RRM2: variants seen among roughly 807,000 people sequenced by gnomAD.
RRM2 encodes the protein ribonucleotide reductase regulatory subunit M2, also known as ribonucleoside-diphosphate reductase subunit M2.
A neutral mutation model predicts 45.9 loss-of-function variants in RRM2; 6 were observed. The observed-to-expected ratio is 0.13, with a 90% CI of 0.07 to 0.26. The LOEUF (loss-of-function observed/expected upper bound fraction) is 0.26, where lower values mean the gene tolerates loss of function less well. Among genes scored for constraint, RRM2 ranks in the 10% least tolerant of loss-of-function variants. The pLI, the probability that RRM2 is intolerant of heterozygous loss-of-function variation, is 1.00. For synonymous variants in RRM2, 177 were observed against 173.0 expected (o/e 1.02, Z -0.18); for missense variants, 343 against 489.5 (o/e 0.70, Z 2.82).
At chr2:10,139,030 C>T (rs1471708048), upstream of RRM2, among the ~76,000 whole-genome samples, 1 of 152,124 alleles carries the variant, frequency 6.6e-6, no homozygotes, top group African/African-American at 2.4e-5. Context: ...ATTGCTTGAG[C>T]CCGGGAGGTG....
chr2:10,128,741 C>G, intron 7 of RRM2, 107 bp from the exon 8 acceptor site: 1 of 788,764 alleles, frequency 1.3e-6, no homozygotes, highest in South Asian at 1.6e-5. Context: ...CTCAGTATGG[C>G]TGAGCATGTT....
At chr2:10,159,007 A>T (rs932324188) in intron 3 of RRM2, among the ~76,000 whole-genome samples, 1 of 152,090 alleles carries the variant, frequency 6.6e-6, no homozygotes, top group African/African-American at 2.4e-5. Flanking sequence ...GGTCCTTTGG[A>T]CGTCTTCTTC....
chr2:10,138,619 A>G (rs995663937), upstream of RRM2, among the ~76,000 whole-genome samples: 4 of 152,070 alleles, frequency 2.6e-5, no homozygotes, highest in African/African-American at 9.7e-5. Context: ...CCCTTTTGAA[A>G]AACTGACTGC....
intron 3 of RRM2, among the ~76,000 whole-genome samples, chr2:10,151,295 ATT>A (rs1197139714): frequency 0.056 from 6,298 of 111,856 alleles, 277 homozygotes; most frequent in African/African-American, 0.19. Flanking sequence ...CTGCATGTAG[ATT>A]TTTTTTTTTT....
At chr2:10,141,215 G>A (rs1336527898), upstream of RRM2, among the ~76,000 whole-genome samples, 1 of 152,122 alleles carries the variant, frequency 6.6e-6, no homozygotes, top group African/African-American at 2.4e-5. Context: ...CTGGCTTGGA[G>A]CCCGATGGAC....
chr2:10,206,258 A>AAC (rs1664663740), intron 3 of RRM2, among the ~76,000 whole-genome samples: 1 of 151,938 alleles, frequency 6.6e-6, no homozygotes, highest in Non-Finnish European at 1.5e-5. Flanking sequence ...AAAAAAAAAA[A>AAC]AAAAGTTAAA....
upstream of RRM2, among the ~76,000 whole-genome samples, chr2:10,137,814 G>C (rs1235418252): frequency 6.6e-6 from 1 of 152,182 alleles, no homozygotes; most frequent in African/African-American, 2.4e-5. Context: ...GGGGGGTCTA[G>C]CCTCTCCTCC....
chr2:10,200,343 C>T (rs1389372834), intron 3 of RRM2, among the ~76,000 whole-genome samples: 1 of 152,156 alleles, frequency 6.6e-6, no homozygotes, highest in African/African-American at 2.4e-5. Flanking sequence ...GGGTTCCTGG[C>T]CTGTGAGAAA....
In RRM2 at chr2:10,201,377, C is replaced by A. The variant is rs116008101; in HGVS notation, n.483-8934C>A. Among the ~76,000 whole-genome samples the A allele has an allele frequency of 9.5e-3, 1,449 of 152,256 alleles. 29 individuals are homozygous for A. Among genetic ancestry groups the A allele is most frequent in the African/African-American group, 0.034 (1,392 of 41,544 alleles). On this transcript the variant is annotated intron_variant and non_coding_transcript_variant, in intron 3 of 3. Coordinates refer to the RRM2 transcript ENST00000381786. ...AGCCTCTTTGACTCTGAAAAGCAAA[C>A]AAAGGACCAACAATATTCCGAGCAA...
At position 10,124,886 on chromosome 2, in the gene RRM2, C is replaced by T. The variant is rs758964711; in HGVS notation, c.569+36C>T. ...AAGTGGTATGCCAAGATTTTTAGGA[C>T]TCACTAATTGTTGATTTATTACACA... On this transcript the variant is annotated intron_variant, in intron 5 of 9. Transcript: ENST00000304567. 5 of 1,567,502 alleles carry T rather than the reference C, an allele frequency of 3.2e-6. No individual in the cohort carries two copies. The South Asian group carries it at 4.6e-5, about 14-fold the overall frequency.
At chr2:10,128,150 C>T (rs1015653639) in intron 7 of RRM2, among the ~76,000 whole-genome samples, 1 of 151,946 alleles carries the variant, frequency 6.6e-6, no homozygotes, top group Non-Finnish European at 1.5e-5. Flanking sequence ...GGGTGACAGT[C>T]CCCCCGAAAA....
chr2:10,200,535 T>A (rs7558705), intron 3 of RRM2, among the ~76,000 whole-genome samples: 324 of 14,546 alleles, frequency 0.022, 86 homozygotes, highest in African/African-American at 0.092. Context: ...CGCGCACAAA[T>A]TATGAGTCCC....
At chr2:10,178,959 C>A (rs572170067) in intron 3 of RRM2, among the ~76,000 whole-genome samples, 111 of 152,264 alleles carry the variant, frequency 7.3e-4, no homozygotes, top group African/African-American at 2.6e-3. Context: ...TCTGCTGGCA[C>A]CTTGATCTTG....
At position 10,169,797 on chromosome 2, in the gene RRM2, G is replaced by C. The variant is rs1013694403; in HGVS notation, n.482+27422G>C. On this transcript the variant is annotated intron_variant and non_coding_transcript_variant, in intron 3 of 3. Coordinates refer to the RRM2 transcript ENST00000381786. The surrounding 1 kb of genome is among the most constrained non-coding windows in gnomAD (Gnocchi z 5.1). The stretch of plus-strand genomic sequence containing the variant: ...GGAGCAGGAGGCTGAGGCCAGGGGG[G>C]ATGGCAGCCCCCGGGGATCTGAGGA... Among the ~76,000 whole-genome samples, 5 of 152,196 alleles carry C rather than the reference G, an allele frequency of 3.3e-5. No individual in the cohort carries two copies. Among genetic ancestry groups the C allele is most frequent in the African/African-American group, 9.7e-5 (4 of 41,444 alleles).
Position 10,185,732 on chromosome 2 carries a change from C to T in RRM2, n.483-24579C>T, listed in dbSNP as rs1402353721. Among the ~76,000 whole-genome samples the T allele has an allele frequency of 6.6e-6, 1 of 152,186 alleles. No individual in the cohort carries two copies. The highest frequency in any genetic ancestry group is 1.5e-5 in the Non-Finnish European group (1 of 68,028). On this transcript the variant is annotated intron_variant and non_coding_transcript_variant, in intron 3 of 3. Transcript: ENST00000381786. The surrounding 1 kb of genome is among the most constrained non-coding windows in gnomAD (Gnocchi z 4.3). ...CCTTCCTTGCCTTTCAAACTCCTCT[C>T]TCTGTCCCTTTGTCTCCTTTCCCCC...
At chr2:10,187,076 T>C (rs755046381) in intron 3 of RRM2, among the ~76,000 whole-genome samples, 20 of 152,212 alleles carry the variant, frequency 1.3e-4, no homozygotes, top group Non-Finnish European at 2.5e-4. Context: ...TTGCCCAGCC[T>C]CCTGGTCCTT....
At chr2:10,125,522 G>A (rs550518110) in intron 5 of RRM2, among the ~76,000 whole-genome samples, 2 of 152,278 alleles carry the variant, frequency 1.3e-5, no homozygotes, top group African/African-American at 4.8e-5. Context: ...TGGCTAACAC[G>A]GTGAAACCCC....
chr2:10,176,633 G>A (rs62129925), intron 3 of RRM2, among the ~76,000 whole-genome samples: 39,890 of 139,110 alleles, frequency 0.29, 5,629 homozygotes, highest in South Asian at 0.47. Flanking sequence ...TTTGTATCTG[G>A]TTTCTTTTGC....
chr2:10,158,836 C>G (rs4669539), intron 3 of RRM2, among the ~76,000 whole-genome samples: 22,675 of 152,034 alleles, frequency 0.15, 1,821 homozygotes, highest in South Asian at 0.28. Context: ...GGCCTTCTCT[C>G]CCGGGAGCTC....
Sources: allele counts gnomAD v4.1 joint callset (sites outside exome capture counted in the v4.1 genomes callset), GRCh38; gene constraint gnomAD v4.1.1; non-coding constraint Gnocchi (gnomAD v3.1); transcripts MANE v1.5; gene names NCBI Gene and HGNC (gene_info 2026-07-23, HGNC 2026-07-21).